The following TMC2 variants were observed in gnomAD, a reference collection of about 807,000 sequenced individuals.
The protein encoded by TMC2 is transmembrane channel-like protein 2.
In TMC2, 102 loss-of-function variants were observed where a neutral mutation model predicts 105.9. The observed-to-expected ratio is 0.96, with a 90% CI of 0.82 to 1.14. TMC2 has a LOEUF of 1.14. TMC2 is among the 50% of genes most tolerant of loss of function. TMC2 has a pLI of 0.00. For missense variants in TMC2, 1,093 were observed against 1,134.3 expected (o/e 0.96, Z 0.52); for synonymous variants, 402 against 422.8 (o/e 0.95, Z 0.60).
At chr20:2,552,026 A>C (rs190004314) in intron 2 of TMC2, among the ~76,000 whole-genome samples, 2 of 152,160 alleles carry the variant, frequency 1.3e-5, no homozygotes, top group Non-Finnish European at 2.9e-5. Context: ...TGTGAAGCCA[A>C]ACTGGGAGGA....
At chr20:2,635,891 C>T in intron 17 of TMC2, 35 bp from the exon 18 acceptor site, 1 of 1,562,674 alleles carries the variant, frequency 6.4e-7, no homozygotes, top group South Asian at 1.1e-5. Flanking sequence ...CTGCCAAGAT[C>T]ACGGGACCAT....
rs570029317 is a variant in TMC2, at chr20:2,545,724, G to A, written c.82+8408G>A. Among the ~76,000 whole-genome samples the A allele has an allele frequency of 7.6e-4, 115 of 150,590 alleles. 1 individual carries two copies. The highest frequency in any genetic ancestry group is 2.7e-3 in the African/African-American group (111 of 41,072). On this transcript the variant is annotated intron_variant, in intron 2 of 19. Transcript: ENST00000358864. Reference sequence around the variant, plus strand: ...AAGAAAGAAGAAGGAAGAAGAAGATGAGGAAGAAGAAGATGAAGATGAAGG... The same window carrying A: ...AAGAAAGAAGAAGGAAGAAGAAGATAAGGAAGAAGAAGATGAAGATGAAGG...
intron 4 of TMC2, among the ~76,000 whole-genome samples, chr20:2,570,108 A>G (rs2086092766): frequency 2.0e-5 from 3 of 152,204 alleles, no homozygotes. Flanking sequence ...CTCCTATTCA[A>G]CATAGTACTG....
intron 2 of TMC2, among the ~76,000 whole-genome samples, chr20:2,542,823 C>A (rs1220808013): frequency 6.6e-6 from 1 of 151,778 alleles, no homozygotes; most frequent in Non-Finnish European, 1.5e-5. Context: ...TCCCGAGTAG[C>A]TGGGACTACA....
chr20:2,635,931 C>A lies in TMC2; in HGVS notation c.2312C>A (p.Ala771Asp). 6.2e-7 allele frequency: 1 copy of A among 1,613,892 alleles called. No individual in the cohort carries two copies. Among genetic ancestry groups the A allele is most frequent in the Non-Finnish European group, 8.5e-7 (1 of 1,179,792 alleles). ...GGCATGCTTTTCTCTTGCAGCTTGG[C>A]CATTTACTACCTGAACTCAGTTTCC... Reference protein sequence around the residue: ...IIPAILLMFLAIYYLNSVSKS... With the variant: ...IIPAILLMFLDIYYLNSVSKS... The change falls in exon 18 of 20, where the codon GCC becomes GAC. Residue 771 changes from alanine (A) to aspartate (D), a missense_variant. Transcript: ENST00000358864.
At position 2,602,313 on chromosome 20, in the gene TMC2, A is replaced by T. The variant is rs373077322; in HGVS notation, c.1413+12A>T. On this transcript the variant is annotated intron_variant, in intron 11 of 19. Transcript: ENST00000358864. ...ATGAAAGGAATGAGGTAAGAAAAACATCGCTGATGAACTGAAGGTTGATGG... is the reference window on the plus strand; with the variant it reads ...ATGAAAGGAATGAGGTAAGAAAAACTTCGCTGATGAACTGAAGGTTGATGG... 459 of 1,565,856 alleles carry T rather than the reference A, an allele frequency of 2.9e-4. 2 individuals are homozygous for T. In the African/African-American group the frequency reaches 5.4e-3, roughly 18 times the overall value.
At chr20:2,625,249 A>G (rs1421909103) in intron 17 of TMC2, among the ~76,000 whole-genome samples, 5 of 152,200 alleles carry the variant, frequency 3.3e-5, no homozygotes, top group African/African-American at 1.2e-4. Context: ...CCAGCATACA[A>G]ATGAGTACAG....
At chr20:2,599,495 G>A (rs1276521589) in intron 10 of TMC2, among the ~76,000 whole-genome samples, 6 of 133,692 alleles carry the variant, frequency 4.5e-5, no homozygotes, top group Admixed American at 7.5e-5. Flanking sequence ...CCCCGTGATT[G>A]TAAAAACCAT....
chr20:2,629,443 G>C (rs561613793), intron 17 of TMC2, among the ~76,000 whole-genome samples: 194 of 148,154 alleles, frequency 1.3e-3, no homozygotes, highest in Middle Eastern at 3.5e-3. Context: ...AACAACCAGG[G>C]AATGTAAGTC....
intron 3 of TMC2, among the ~76,000 whole-genome samples, chr20:2,559,237 G>A (rs1416091531): frequency 6.6e-6 from 1 of 152,196 alleles, no homozygotes; most frequent in Non-Finnish European, 1.5e-5. Flanking sequence ...TTCCGGATCT[G>A]GGCCAGTTTC....
At chr20:2,553,496 T>C (rs117566333) in intron 2 of TMC2, among the ~76,000 whole-genome samples, 205 of 152,330 alleles carry the variant, frequency 1.3e-3, no homozygotes, top group Non-Finnish European at 2.3e-3. Flanking sequence ...TTTTCTATTT[T>C]ATTAAGGATT....
intron 2 of TMC2, among the ~76,000 whole-genome samples, chr20:2,545,051 AATT>A (rs2085914416): frequency 7.6e-6 from 1 of 130,738 alleles, no homozygotes; most frequent in African/African-American, 2.9e-5. Flanking sequence ...AAAAAAAAAA[AATT>A]TAATTAGACA....
intron 11 of TMC2, among the ~76,000 whole-genome samples, chr20:2,606,891 C>CCCTTTTTTTTTTT (rs2086397017): frequency 1.2e-5 from 1 of 83,980 alleles, no homozygotes; most frequent in African/African-American, 5.9e-5. Context: ...TTTCTTTTTT[C>CCCTTTTTTTTTTT]TTTTTTTTTT....
intron 19 of TMC2, among the ~76,000 whole-genome samples, chr20:2,638,829 C>T (rs541994238): frequency 9.9e-5 from 15 of 151,986 alleles, no homozygotes; most frequent in African/African-American, 3.6e-4. Context: ...TGTTTTAAGC[C>T]AACTGTTATT....
At position 2,635,923 on chromosome 20, in the gene TMC2, C is replaced by A; in HGVS notation, c.2307-3C>A. ...CCATAGGAGGCATGCTTTTCTCTTG[C>A]AGCTTGGCCATTTACTACCTGAACT... On this transcript the variant is annotated splice_polypyrimidine_tract_variant and splice_region_variant and intron_variant, in intron 17 of 19. Transcript: ENST00000358864. The A allele has an allele frequency of 6.2e-7, 1 of 1,613,516 alleles. No individual in the cohort carries two copies. Among genetic ancestry groups the A allele is most frequent in the Non-Finnish European group, 8.5e-7 (1 of 1,179,468 alleles).
At chr20:2,596,287 T>A (rs2086305939) in intron 9 of TMC2, among the ~76,000 whole-genome samples, 1 of 152,148 alleles carries the variant, frequency 6.6e-6, no homozygotes, top group South Asian at 2.1e-4. Context: ...GAAGGATATA[T>A]GACCTGATTG....
intron 17 of TMC2, 27 bp downstream of exon 17, chr20:2,624,423 A>AC (rs1195392358): frequency 7.5e-6 from 12 of 1,597,394 alleles, no homozygotes; most frequent in Non-Finnish European, 1.0e-5. Context: ...CCATGGCTCC[A>AC]CCCCACGGAA....
In TMC2 at chr20:2,592,406, G is replaced by C. The variant is rs758426455; in HGVS notation, c.931G>C (p.Glu311Gln). The change falls in exon 8 of 20, where the codon GAG (glutamate) becomes CAG (glutamine). Residue 311 changes from glutamate to glutamine, a missense_variant and splice_region_variant. Glu to Gln is a conservative substitution (Grantham distance 29). Transcript: ENST00000358864. The surrounding 1 kb of genome is among the most constrained non-coding windows in gnomAD (Gnocchi z 4.9). ...GGATTTTTCTGTCCTTTGGGATTTTGAGGTACTATTGTCAACATGCCAATG... is the reference window on the plus strand; with the variant it reads ...GGATTTTTCTGTCCTTTGGGATTTTCAGGTACTATTGTCAACATGCCAATG... ...AMDFSVLWDF[E>Q]GYIKYSALFY... is the part of the protein sequence containing the mutation. 4 of 1,607,144 alleles carry C rather than the reference G, an allele frequency of 2.5e-6. No homozygotes were observed. The highest frequency in any genetic ancestry group is 3.4e-6 in the Non-Finnish European group (4 of 1,173,712).
At chr20:2,610,100 C>T (rs1169724326) in intron 11 of TMC2, among the ~76,000 whole-genome samples, 2 of 152,202 alleles carry the variant, frequency 1.3e-5, no homozygotes, top group East Asian at 1.9e-4. Context: ...CTGCCTGCCT[C>T]GGCTTCCCAA....
Sources: allele counts gnomAD v4.1 joint callset (sites outside exome capture counted in the v4.1 genomes callset), GRCh38; gene constraint gnomAD v4.1.1; non-coding constraint Gnocchi (gnomAD v3.1); transcripts MANE v1.5; gene names NCBI Gene and HGNC (gene_info 2026-07-23, HGNC 2026-07-21).